CFAP69: variants seen among roughly 807,000 people sequenced by gnomAD.
The protein encoded by CFAP69 is cilia- and flagella-associated protein 69.
In CFAP69, 92 loss-of-function variants were observed where a neutral mutation model predicts 123.0. The observed-to-expected ratio is 0.75, with a 90% CI of 0.63 to 0.89. CFAP69 has a LOEUF of 0.89. CFAP69 is among the 40% of genes least tolerant of loss of function. The pLI, the probability that CFAP69 is intolerant of heterozygous loss-of-function variation, is 0.00. For missense variants in CFAP69, 1,067 were observed against 1,096.9 expected, an observed-to-expected ratio of 0.97 and a Z score of 0.39; for synonymous variants, 380 against 364.3, an observed-to-expected ratio of 1.04 and a Z score of -0.49.
chr7:90,288,905 G>GTTTTCATTTTCTTTATGTT (rs1790694089), intron 15 of CFAP69, among the ~76,000 whole-genome samples: 1 of 150,372 alleles, frequency 6.7e-6, no homozygotes, highest in East Asian at 2.0e-4. Flanking sequence ...CTTTATAAAT[G>GTTTTCATTTTCTTTATGTT]TTTTCATTTT....
rs559922110 is a variant in CFAP69, at chr7:90,302,513, G to C, written c.2051-1456G>C. ...TGATTTTTGTATATGGTATAAGGAA[G>C]AGGTCCAGTTTCAATTTTCTGCATA... On this transcript the variant is annotated intron_variant, in intron 17 of 22. Coordinates refer to ENST00000389297, the MANE Select transcript of CFAP69 (RefSeq NM_001039706.3). The C allele has an allele frequency of 3.9e-5, 6 of 152,260 alleles. No homozygotes were observed. In the South Asian group the frequency reaches 1.2e-3, roughly 32 times the overall value. The allele number at this position is 152,260 out of a possible 1,614,324, so 9.4% of individuals were successfully genotyped here.
chr7:90,294,288 T>G (rs1355777074), intron 15 of CFAP69, among the ~76,000 whole-genome samples: 1 of 152,238 alleles, frequency 6.6e-6, no homozygotes, highest in East Asian at 1.9e-4. Flanking sequence ...GTTACATTTT[T>G]GAAGAATTTT....
At chr7:90,285,770 C>T (rs1790182535) in intron 13 of CFAP69, among the ~76,000 whole-genome samples, 1 of 152,136 alleles carries the variant, frequency 6.6e-6, no homozygotes, top group South Asian at 2.1e-4. Context: ...CCTCATGAAA[C>T]TCTGCATATT....
intron 15 of CFAP69, among the ~76,000 whole-genome samples, chr7:90,294,982 G>A (rs1404435728): frequency 6.6e-6 from 1 of 152,076 alleles, no homozygotes; most frequent in Non-Finnish European, 1.5e-5. Context: ...GCCCATTGGT[G>A]CCAACACTGA....
At chr7:90,296,633 C>T (rs1792020777) in intron 15 of CFAP69, among the ~76,000 whole-genome samples, 1 of 152,142 alleles carries the variant, frequency 6.6e-6, no homozygotes, top group Non-Finnish European at 1.5e-5. Flanking sequence ...GCCTGAGGCA[C>T]AGTTTTAAGA....
At chr7:90,318,473 C>A in the CFAP69 span, 2 of 152,138 alleles carry the variant, frequency 1.3e-5, no homozygotes, top group South Asian at 4.1e-4. Flanking sequence ...ATGTACATTT[C>A]AGAAACCACA....
chr7:90,268,245 T>C, intron 5 of CFAP69, 41 bp from the exon 6 acceptor site: 1 of 1,256,614 alleles, frequency 8.0e-7, no homozygotes, highest in Non-Finnish European at 1.1e-6. Flanking sequence ...AATAAGCTTA[T>C]GACAGTGTTG....
At chr7:90,286,961 G>C (rs191847822) in intron 14 of CFAP69, among the ~76,000 whole-genome samples, 2 of 151,340 alleles carry the variant, frequency 1.3e-5, no homozygotes, top group Non-Finnish European at 1.5e-5. Context: ...TGTGGTGTGC[G>C]CCTGTAATCT....
downstream of CFAP69, among the ~76,000 whole-genome samples, chr7:90,312,991 A>T (rs1033510501): frequency 6.6e-6 from 1 of 152,250 alleles, no homozygotes; most frequent in African/African-American, 2.4e-5. Context: ...GACAGTGCTG[A>T]CTTACATTGA....
Position 90,279,779 on chromosome 7 carries a change from C to A in CFAP69, c.1258C>A (p.Gln420Lys). 6.2e-7 allele frequency: 1 copy of A among 1,612,996 alleles called. No homozygotes were observed. Among genetic ancestry groups the A allele is most frequent in the East Asian group, 2.2e-5 (1 of 44,826 alleles). Reference protein sequence around the residue: ...DWSAAQHEELQLHAIATLSSV... With the variant: ...DWSAAQHEELKLHAIATLSSV... ...GTCTGCAGCACAGCATGAAGAATTACAACTGCATGCAATTGCCACTTTGTC... is the reference window on the plus strand; with the variant it reads ...GTCTGCAGCACAGCATGAAGAATTAAAACTGCATGCAATTGCCACTTTGTC... Residue 420 changes from glutamine (Q) to lysine (K), a missense_variant, in exon 12 of 23, where the codon CAA becomes AAA. Transcript: ENST00000389297.
rs1174883371 is a variant in CFAP69 at position 90,253,939 on chromosome 7, A to G, written c.121-1484A>G. Among the ~76,000 whole-genome samples the G allele has an allele frequency of 3.3e-5, 5 of 152,116 alleles. No homozygotes were observed. The East Asian group carries it at 7.7e-4, about 23-fold the overall frequency. On this transcript the variant is annotated intron_variant, in intron 1 of 22. Coordinates refer to ENST00000389297, the MANE Select transcript of CFAP69 (RefSeq NM_001039706.3). Reference sequence around the variant, plus strand: ...ACTAGTGTCCTAAAGTGTTTCCCCAATGTTTTATTCCAGTGACTTCTTAGT... The same window carrying G: ...ACTAGTGTCCTAAAGTGTTTCCCCAGTGTTTTATTCCAGTGACTTCTTAGT...
In CFAP69 at chr7:90,307,851, A is replaced by G; in HGVS notation, c.2547A>G (p.Leu849=). 2 of 1,601,728 alleles carry G rather than the reference A, an allele frequency of 1.2e-6. No homozygotes were observed. The highest frequency in any genetic ancestry group is 1.7e-6 in the Non-Finnish European group (2 of 1,171,290). ...CTAGAACATCAAACGCTAAAACGTT[A>G]AAGGTAGGATTTTTAATGTATTATA... The part of the protein sequence containing the change: ...FLARTSNAKT[L]KKAKSLQEKA... The change falls in exon 21 of 23, where the codon TTA becomes TTG. Residue 849 remains leucine, a synonymous_variant. Transcript: ENST00000389297.
At chr7:90,261,360 A>C (rs17863054) in intron 3 of CFAP69, among the ~76,000 whole-genome samples, 25,352 of 150,978 alleles carry the variant, frequency 0.17, 2,270 homozygotes, top group Middle Eastern at 0.19. Context: ...GGCGTGAGCC[A>C]GCAGGATTTT....
chr7:90,259,582 C>A (rs1187952004), intron 3 of CFAP69, among the ~76,000 whole-genome samples: 1 of 152,076 alleles, frequency 6.6e-6, no homozygotes, highest in Admixed American at 6.6e-5. Context: ...CTTCAAACTC[C>A]TGGGCTTAAG....
chr7:90,304,044 T>C lies in CFAP69; in HGVS notation c.2126T>C (p.Ile709Thr), dbSNP rs1158666291. 7.1e-6 allele frequency: 11 copies of C among 1,551,292 alleles called. No individual in the cohort carries two copies. Among genetic ancestry groups the C allele is most frequent in the Non-Finnish European group, 8.7e-6 (10 of 1,146,738 alleles). ...IIPLPANCPS[I>T]AVMDVSENIR... ...CCACTGCCTGCTAACTGCCCATCTA[T>C]TGCGGTTATGGATGTTTCTGAGAAT... Residue 709 changes from isoleucine to threonine, a missense_variant, in exon 18 of 23, where the codon ATT (isoleucine) becomes ACT (threonine). Ile to Thr is a moderately conservative substitution (Grantham distance 89). Transcript: ENST00000389297.
At chr7:90,317,139 T>C in the CFAP69 span, 1 of 151,990 alleles carries the variant, frequency 6.6e-6, no homozygotes, top group East Asian at 1.9e-4. Context: ...AGAACACAGA[T>C]GTTCAATATG....
chr7:90,279,639 T>G (rs1186786103), intron 11 of CFAP69, 38 bp from the exon 12 acceptor site: 21 of 1,316,886 alleles, frequency 1.6e-5, no homozygotes, highest in Admixed American at 2.5e-5. Context: ...TATTTTTGGC[T>G]ATGTTTCTAA....
chr7:90,279,625 A>G (rs527300748), intron 11 of CFAP69, 52 bp from the exon 12 acceptor site: 4 of 1,119,586 alleles, frequency 3.6e-6, no homozygotes, highest in South Asian at 1.7e-5. Context: ...TAATTGCCTT[A>G]AAGTATTTTT....
intron 19 of CFAP69, 78 bp downstream of exon 19, chr7:90,304,898 G>T: frequency 9.6e-7 from 1 of 1,046,924 alleles, no homozygotes; most frequent in Non-Finnish European, 1.4e-6. Flanking sequence ...ATCTATTCAT[G>T]GTTGTGAGCA....
Sources: gnomAD v4.1 joint callset for allele counts (sites outside exome capture counted in the v4.1 genomes callset) on GRCh38, gnomAD v4.1.1 for gene constraint, MANE v1.5 for transcripts, NCBI Gene and HGNC (gene_info 2026-07-23, HGNC 2026-07-21) for gene names.